Variants in PDE6D observed in about 807,000 individuals in gnomAD.
PDE6D encodes the protein phosphodiesterase 6D.
PDE6D carries 10 observed loss-of-function variants against 21.9 expected under a neutral mutation model. That is an observed-to-expected ratio of 0.46 (90% CI 0.28 to 0.78). The LOEUF (loss-of-function observed/expected upper bound fraction) is 0.78, where lower values mean the gene tolerates loss of function less well. PDE6D is among the 30% of genes least tolerant of loss of function. The probability of loss-of-function intolerance (pLI) is 0.12; values close to 1 mark genes in which losing one functional copy is unlikely to be tolerated. For synonymous variants in PDE6D, 59 were observed against 63.5 expected (o/e 0.93, Z 0.34); for missense variants, 139 against 184.8 (o/e 0.75, Z 1.44).
chr2:231,753,116 C>G (rs941036567), intron 1 of PDE6D, among the ~76,000 whole-genome samples: 1 of 150,012 alleles, frequency 6.7e-6, no homozygotes, highest in African/African-American at 2.4e-5. Context: ...CAGGAGTGAG[C>G]CACCGCACCC....
intron 1 of PDE6D, among the ~76,000 whole-genome samples, chr2:231,770,912 C>T (rs1220103648): frequency 6.7e-6 from 1 of 150,096 alleles, no homozygotes; most frequent in Non-Finnish European, 1.5e-5. Flanking sequence ...GAGATCGCGC[C>T]ATTGCACTCC....
intron 2 of PDE6D, 116 bp downstream of exon 2, chr2:231,738,984 G>A: frequency 1.6e-6 from 1 of 641,326 alleles, no homozygotes; most frequent in South Asian, 1.8e-5. Context: ...GGATTAACAT[G>A]CTGTGTCTTC....
rs940460908 is a variant in PDE6D, at chr2:231,732,826, T to A, written c.*126A>T. On this transcript the variant is annotated 3_prime_UTR_variant, in exon 5 of 5. Transcript: ENST00000287600. Reference sequence around the variant, plus strand: ...GAGCTGGTCCCCTGGTGGCTGCAGGTAGGTTCTGCTGTTGAGGGAATTAGG... The same window carrying A: ...GAGCTGGTCCCCTGGTGGCTGCAGGAAGGTTCTGCTGTTGAGGGAATTAGG... The A allele has an allele frequency of 7.4e-6, 5 of 679,698 alleles. No individual in the cohort carries two copies. Among genetic ancestry groups the A allele is most frequent in the African/African-American group, 1.8e-5 (1 of 55,944 alleles). 42.1% of individuals were successfully genotyped at this position (679,698 alleles called of 1,614,324 possible). A position where few individuals can be genotyped will look rare whatever the true frequency, so the allele number is the denominator to read the frequency against.
At chr2:231,769,025 C>A (rs2048994482) in intron 1 of PDE6D, among the ~76,000 whole-genome samples, 1 of 152,084 alleles carries the variant, frequency 6.6e-6, no homozygotes, top group South Asian at 2.1e-4. Flanking sequence ...CACGCTACCA[C>A]GCCCGGCTCA....
At chr2:231,748,947 C>A (rs1051844982) in intron 1 of PDE6D, among the ~76,000 whole-genome samples, 4 of 152,208 alleles carry the variant, frequency 2.6e-5, no homozygotes, top group East Asian at 1.9e-4. Flanking sequence ...GATGCCCAGA[C>A]AAAAGTTTGC....
intron 1 of PDE6D, among the ~76,000 whole-genome samples, chr2:231,767,342 C>G (rs114630199): frequency 0.059 from 8,828 of 150,808 alleles, 310 homozygotes; most frequent in South Asian, 0.092. Flanking sequence ...TTTTTTGAGA[C>G]AGAGTCTCCG....
At chr2:231,755,689 G>A (rs2048877637) in intron 1 of PDE6D, among the ~76,000 whole-genome samples, 1 of 152,254 alleles carries the variant, frequency 6.6e-6, no homozygotes, top group African/African-American at 2.4e-5. Context: ...GGGAGGCTGA[G>A]GCGGGCGGAT....
intron 1 of PDE6D, among the ~76,000 whole-genome samples, chr2:231,758,350 C>T (rs1278760880): frequency 1.3e-5 from 2 of 151,966 alleles, no homozygotes; most frequent in African/African-American, 4.8e-5. Flanking sequence ...GTTGCCCAGG[C>T]TGGCTCAAAC....
intron 1 of PDE6D, among the ~76,000 whole-genome samples, chr2:231,760,974 T>C (rs1285100743): frequency 1.3e-5 from 2 of 152,128 alleles, no homozygotes; most frequent in Admixed American, 6.6e-5. Flanking sequence ...CTAATACCAG[T>C]TGAGTGGATG....
chr2:231,750,841 A>G (rs2048834299), intron 1 of PDE6D, among the ~76,000 whole-genome samples: 1 of 151,932 alleles, frequency 6.6e-6, no homozygotes, highest in East Asian at 1.9e-4. Context: ...TTTTCACTGC[A>G]AAGATGACAG....
intron 4 of PDE6D, among the ~76,000 whole-genome samples, chr2:231,733,422 C>T (rs1010444205): frequency 1.1e-4 from 17 of 152,144 alleles, no homozygotes; most frequent in Non-Finnish European, 1.9e-4. Flanking sequence ...AGTATCCTTC[C>T]CTACAGTACT....
chr2:231,740,364 CA>C (rs1248344108), intron 1 of PDE6D, among the ~76,000 whole-genome samples: 10 of 152,124 alleles, frequency 6.6e-5, no homozygotes, highest in Middle Eastern at 3.4e-3. Context: ...AGAAAGCTTT[CA>C]GAACGAAAAA....
In PDE6D at chr2:231,750,660, A is replaced by ATTTTT. The variant is rs561604556; in HGVS notation, c.51-11477_51-11473dup. Among the ~76,000 whole-genome samples the ATTTTT allele has an allele frequency of 1.9e-3, 171 of 92,070 alleles. 8 individuals carry two copies. The highest frequency in any genetic ancestry group is 6.3e-3 in the African/African-American group (99 of 15,826). 60.4% of individuals were successfully genotyped at this position (92,070 alleles called of 152,430 possible). On this transcript the variant is annotated intron_variant, in intron 1 of 4. Transcript: ENST00000287600. ...AGGTGTGTGCCACCATGCTCATCTA[A>ATTTTT]TTTTTTTTTTTTTTTTTTTTTTTTT...
At chr2:231,768,477 A>G (rs994311631) in intron 1 of PDE6D, 2 of 151,816 alleles carry the variant, frequency 1.3e-5, no homozygotes, top group African/African-American at 4.8e-5. Context: ...TGCAACCTCC[A>G]CCCAGGTTCA....
chr2:231,755,580 G>A (rs145345568), intron 1 of PDE6D, among the ~76,000 whole-genome samples: 2,030 of 151,962 alleles, frequency 0.013, 31 homozygotes, highest in Non-Finnish European at 0.018. Context: ...ACAAAAGTTA[G>A]CCAGGCATGA....
intron 4 of PDE6D, 75 bp from the exon 5 acceptor site, chr2:231,733,108 G>T: frequency 9.7e-7 from 1 of 1,030,832 alleles, no homozygotes; most frequent in Non-Finnish European, 1.5e-6. Flanking sequence ...CCACAAAGTG[G>T]TTTCCATCTG....
chr2:231,760,397 T>A (rs1352533117), intron 1 of PDE6D, among the ~76,000 whole-genome samples: 1 of 152,192 alleles, frequency 6.6e-6, no homozygotes, highest in Non-Finnish European at 1.5e-5. Context: ...TTAATCCACA[T>A]AACCCTATGA....
intron 1 of PDE6D, among the ~76,000 whole-genome samples, chr2:231,773,528 A>G (rs2049030951): frequency 2.6e-5 from 4 of 152,220 alleles, no homozygotes; most frequent in East Asian, 3.8e-4. Context: ...ACTTTTCTTA[A>G]TATGTCTACT....
chr2:231,767,551 G>C (rs2048981329), intron 1 of PDE6D, among the ~76,000 whole-genome samples: 1 of 152,086 alleles, frequency 6.6e-6, no homozygotes, highest in Non-Finnish European at 1.5e-5. Context: ...TCCTGACCTT[G>C]TGATCTGCCC....
Sources: allele counts gnomAD v4.1 joint callset (sites outside exome capture counted in the v4.1 genomes callset), GRCh38; gene constraint gnomAD v4.1.1; transcripts MANE v1.5; gene names NCBI Gene and HGNC (gene_info 2026-07-23, HGNC 2026-07-21).